CSMD3: variants seen among roughly 807,000 people sequenced by gnomAD.
The protein encoded by CSMD3 is CUB and Sushi multiple domains 3, also known as CUB and sushi domain-containing protein 3.
A neutral mutation model predicts 435.2 loss-of-function variants in CSMD3; 177 were observed. That is an observed-to-expected ratio of 0.41 (90% CI 0.36 to 0.46). The LOEUF (loss-of-function observed/expected upper bound fraction) is 0.46. Ranked by LOEUF, CSMD3 falls within the 20% of genes least tolerant of loss-of-function variation. The pLI, the probability that CSMD3 is intolerant of heterozygous loss-of-function variation, is 0.34. For missense variants in CSMD3, 4,265 were observed against 4,504.6 expected (o/e 0.95, Z 1.52); for synonymous variants, 1,656 against 1,520.5 (o/e 1.09, Z -2.07).
At chr8:112,256,366 G>T (rs1445664065) in intron 61 of CSMD3, among the ~76,000 whole-genome samples, 3 of 152,118 alleles carry the variant, frequency 2.0e-5, no homozygotes, top group Non-Finnish European at 4.4e-5. Flanking sequence ...TGTGTGTTAG[G>T]AGGTGGGAGA....
At chr8:113,334,462 T>C (rs1404576474) in intron 1 of CSMD3, among the ~76,000 whole-genome samples, 3 of 151,860 alleles carry the variant, frequency 2.0e-5, no homozygotes, top group Non-Finnish European at 4.4e-5. Flanking sequence ...ATTTTTCATA[T>C]ATTGTTGAGT....
intron 3 of CSMD3, among the ~76,000 whole-genome samples, chr8:113,214,552 A>C (rs2092878881): frequency 6.6e-6 from 1 of 151,924 alleles, no homozygotes; most frequent in Admixed American, 6.6e-5. Flanking sequence ...CAATCAAGAA[A>C]ACAGTTCTAG....
intron 13 of CSMD3, among the ~76,000 whole-genome samples, chr8:112,719,828 C>T (rs1432895790): frequency 6.6e-6 from 1 of 152,252 alleles, no homozygotes; most frequent in African/African-American, 2.4e-5. Context: ...TTATTCCAAA[C>T]TTTATTTGAA....
chr8:113,357,613 C>G (rs1397621732), intron 1 of CSMD3, among the ~76,000 whole-genome samples: 3 of 152,116 alleles, frequency 2.0e-5, no homozygotes, highest in Non-Finnish European at 4.4e-5. Flanking sequence ...TTATTGTCTT[C>G]TTGGAGTATG....
At chr8:113,192,122 G>A (rs2092595125) in intron 3 of CSMD3, among the ~76,000 whole-genome samples, 1 of 151,450 alleles carries the variant, frequency 6.6e-6, no homozygotes, top group African/African-American at 2.4e-5. Context: ...TTAACTTCCT[G>A]AGAGATTTGG....
intron 45 of CSMD3, among the ~76,000 whole-genome samples, chr8:112,333,286 G>A (rs1824247183): frequency 2.6e-5 from 4 of 152,124 alleles, no homozygotes; most frequent in Admixed American, 2.6e-4. Flanking sequence ...TCCTGCCTCA[G>A]CCACCTGAGT....
chr8:112,780,376 T>A (rs2132239563), intron 13 of CSMD3, among the ~76,000 whole-genome samples: 1 of 152,202 alleles, frequency 6.6e-6, no homozygotes, highest in South Asian at 2.1e-4. Context: ...AATTATCTAA[T>A]CATCTCTACC....
At chr8:112,810,059 TCC>T (rs2079183040) in intron 12 of CSMD3, among the ~76,000 whole-genome samples, 2 of 152,100 alleles carry the variant, frequency 1.3e-5, no homozygotes, top group African/African-American at 4.8e-5. Context: ...TTAAAAACCC[TCC>T]CACTTTTTGT....
At chr8:113,434,860 C>G (rs1212279911) in intron 1 of CSMD3, among the ~76,000 whole-genome samples, 3 of 152,214 alleles carry the variant, frequency 2.0e-5, no homozygotes, top group Admixed American at 6.5e-5. Flanking sequence ...ATGCTCGCCC[C>G]GCTTCGGAGA....
At chr8:113,363,921 G>A (rs932067487) in intron 1 of CSMD3, among the ~76,000 whole-genome samples, 1 of 152,032 alleles carries the variant, frequency 6.6e-6, no homozygotes, top group African/African-American at 2.4e-5. Context: ...TTTCTTTGGG[G>A]ATTGTATCTA....
chr8:113,430,066 C>T (rs1009859243), intron 1 of CSMD3, among the ~76,000 whole-genome samples: 8 of 152,088 alleles, frequency 5.3e-5, no homozygotes, highest in African/African-American at 1.9e-4. Flanking sequence ...GCCCCTTATT[C>T]ATATAGCCAG....
intron 12 of CSMD3, among the ~76,000 whole-genome samples, chr8:112,807,530 AGG>A (rs1563980493): frequency 6.6e-6 from 1 of 150,462 alleles, no homozygotes; most frequent in African/African-American, 2.5e-5. Flanking sequence ...GTAGGTAGGT[AGG>A]TAGGTAGGAA....
chr8:112,253,866 T>C (rs1239284804), intron 63 of CSMD3, among the ~76,000 whole-genome samples: 1 of 152,012 alleles, frequency 6.6e-6, no homozygotes, highest in East Asian at 1.9e-4. Context: ...ATTTGCTGTT[T>C]GTCTCAGAAG....
chr8:112,890,571 CT>C (rs2081755337), intron 10 of CSMD3, among the ~76,000 whole-genome samples: 1 of 151,664 alleles, frequency 6.6e-6, no homozygotes, highest in African/African-American at 2.4e-5. Flanking sequence ...ACTCAATTTC[CT>C]TAACTACCTG....
chr8:112,952,457 G>A (rs904768318), intron 8 of CSMD3, among the ~76,000 whole-genome samples: 3 of 151,284 alleles, frequency 2.0e-5, no homozygotes, highest in African/African-American at 4.8e-5. Context: ...TTTGTCCTAG[G>A]TTGAATAAAT....
At position 112,550,653 on chromosome 8, in the gene CSMD3, T is replaced by G. The variant is rs1161922936; in HGVS notation, c.4564+18A>C. The G allele has an allele frequency of 2.7e-6, 4 of 1,468,024 alleles. No homozygotes were observed. Among genetic ancestry groups the G allele is most frequent in the Non-Finnish European group, 3.8e-6 (4 of 1,048,434 alleles). 90.9% of individuals were successfully genotyped at this position (1,468,024 alleles called of 1,614,324 possible). On this transcript the variant is annotated intron_variant, in intron 27 of 70. Transcript: ENST00000297405. ...ACCTTCCTATTTTGCATTGAAGAAA[T>G]TTTTTGAAAAAACTTACTTGAAAAC...
intron 27 of CSMD3, among the ~76,000 whole-genome samples, chr8:112,527,098 C>T (rs1825052219): frequency 6.6e-6 from 1 of 151,594 alleles, no homozygotes; most frequent in Admixed American, 6.6e-5. Context: ...CAAACTTTAA[C>T]CAAGTGAATA....
chr8:113,280,517 T>C lies in CSMD3; in HGVS notation c.402-1813A>G, dbSNP rs185488849. ...GTTGTGTCAGTTGTAATATCTCCTG[T>C]TTCATTTCTTAGTGAGGTTATTTGG... is the stretch of plus-strand genomic sequence containing the variant. On this transcript the variant is annotated intron_variant, in intron 2 of 70. Transcript: ENST00000297405. Among the ~76,000 whole-genome samples, 30 of 152,084 alleles carry C rather than the reference T, an allele frequency of 2.0e-4. No individual in the cohort carries two copies. The East Asian group carries it at 5.2e-3, about 26-fold the overall frequency.
At chr8:113,317,750 T>A (rs2093920768) in intron 1 of CSMD3, among the ~76,000 whole-genome samples, 1 of 152,154 alleles carries the variant, frequency 6.6e-6, no homozygotes, top group South Asian at 2.1e-4. Flanking sequence ...TAGCGCAGTG[T>A]TTTTCTTACT....
Sources: allele counts gnomAD v4.1 joint callset (sites outside exome capture counted in the v4.1 genomes callset), GRCh38; gene constraint gnomAD v4.1.1; transcripts MANE v1.5; gene names NCBI Gene and HGNC (gene_info 2026-07-23, HGNC 2026-07-21).